The following ARFGEF3 variants were observed in gnomAD, a reference collection of about 807,000 sequenced individuals.
ARFGEF3 encodes the protein brefeldin A-inhibited guanine nucleotide-exchange protein 3.
ARFGEF3 carries 96 observed loss-of-function variants against 221.7 expected under a neutral mutation model. The ratio of observed to expected loss-of-function variants is 0.43; its 90% CI spans 0.37 to 0.51. The LOEUF (loss-of-function observed/expected upper bound fraction) is 0.51, where lower values mean the gene tolerates loss of function less well. Ranked by LOEUF, ARFGEF3 falls within the 20% of genes least tolerant of loss-of-function variation. The pLI is 0.00. For missense variants in ARFGEF3, 2,410 were observed against 2,789.9 expected (o/e 0.86, Z 3.07); for synonymous variants, 1,145 against 1,126.8 (o/e 1.02, Z -0.32).
chr6:138,301,434 C>T (rs1779627141), intron 22 of ARFGEF3, among the ~76,000 whole-genome samples: 1 of 152,192 alleles, frequency 6.6e-6, no homozygotes, highest in African/African-American at 2.4e-5. Flanking sequence ...CAATCATCAG[C>T]TTTTCTACCA....
chr6:138,263,290 C>T lies in ARFGEF3; in HGVS notation c.1807C>T (p.Leu603Phe), dbSNP rs1372354774. ...ESNFSVDDQDLSRTEFDSCDQ... is the reference protein window; with the variant it reads ...ESNFSVDDQDFSRTEFDSCDQ... ...CAATTTTAGCGTTGATGACCAAGAC[C>T]TTTCTAGGACAGAGTTTGATTCCTG... The change falls in exon 12 of 34, where the codon CTT becomes TTT. Residue 603 changes from leucine (L) to phenylalanine (F), a missense_variant. By Grantham distance (22) the Leu-to-Phe change is conservative. Transcript: ENST00000251691. The T allele has an allele frequency of 1.2e-6, 2 of 1,613,868 alleles. No individual in the cohort carries two copies. The highest frequency in any genetic ancestry group is 1.7e-5 in the Admixed American group (1 of 60,002).
At chr6:138,327,367 C>CGAGCCTGGGACGTT (rs1403521950) in intron 31 of ARFGEF3, among the ~76,000 whole-genome samples, 1 of 152,116 alleles carries the variant, frequency 6.6e-6, no homozygotes, top group Non-Finnish European at 1.5e-5. Flanking sequence ...GAGGATCACT[C>CGAGCCTGGGACGTT]GAGCCTGGGA....
At chr6:138,205,722 G>T (rs1407400891) in intron 2 of ARFGEF3, among the ~76,000 whole-genome samples, 1 of 152,210 alleles carries the variant, frequency 6.6e-6, no homozygotes, top group East Asian at 1.9e-4. Context: ...ATGAAAAATG[G>T]CTGTAGTGTT....
intron 2 of ARFGEF3, among the ~76,000 whole-genome samples, chr6:138,197,225 A>G (rs188673399): frequency 1.1e-3 from 166 of 152,308 alleles, no homozygotes; most frequent in East Asian, 5.0e-3. Flanking sequence ...AGGATCATCA[A>G]TGTCACTGTC....
chr6:138,275,477 A>G (rs1779080004), intron 12 of ARFGEF3, among the ~76,000 whole-genome samples: 2 of 152,014 alleles, frequency 1.3e-5, no homozygotes, highest in Non-Finnish European at 2.9e-5. Flanking sequence ...ATGGCCGGGC[A>G]TGGTGGCTCA....
intron 12 of ARFGEF3, among the ~76,000 whole-genome samples, chr6:138,264,848 C>T (rs2114594375): frequency 6.7e-6 from 1 of 148,184 alleles, no homozygotes; most frequent in East Asian, 2.0e-4. Flanking sequence ...TTCAAGAGGA[C>T]AAGAAAAAGA....
In ARFGEF3 at chr6:138,287,142, G is replaced by C; in HGVS notation, c.2854G>C (p.Glu952Gln). 3 of 1,573,732 alleles carry C rather than the reference G, an allele frequency of 1.9e-6. No homozygotes were observed. Among genetic ancestry groups the C allele is most frequent in the Non-Finnish European group, 1.7e-6 (2 of 1,159,146 alleles). The change falls in exon 17 of 34, where the codon GAA (glutamate) becomes CAA (glutamine). Residue 952 changes from glutamate (E) to glutamine (Q), a missense_variant. Around this residue, in one of 5 missense-constraint regions of ARFGEF3, gnomAD observed 594 missense variants for 734.3 expected, o/e 0.81. Transcript: ENST00000251691. Reference sequence around the variant, plus strand: ...TGCCTCCTGTGTCCAAGAAGAAAAAGAAGAGAGGGAGGCCCAAGAACCCAG... The same window carrying C: ...TGCCTCCTGTGTCCAAGAAGAAAAACAAGAGAGGGAGGCCCAAGAACCCAG... ...AAASCVQEEK[E>Q]EREAQEPSDA... is the part of the protein sequence containing the mutation.
intron 2 of ARFGEF3, among the ~76,000 whole-genome samples, chr6:138,183,821 G>A (rs1269743358): frequency 6.6e-6 from 1 of 152,184 alleles, no homozygotes; most frequent in Non-Finnish European, 1.5e-5. Context: ...AGGTAGGGAG[G>A]TGCCTCTGTT....
intron 21 of ARFGEF3, 112 bp downstream of exon 21, chr6:138,297,067 G>A (rs1224423234): frequency 4.1e-6 from 5 of 1,222,046 alleles, no homozygotes; most frequent in Admixed American, 2.5e-5. Flanking sequence ...CCATTGGGCA[G>A]TGGGAACTTG....
intron 32 of ARFGEF3, among the ~76,000 whole-genome samples, chr6:138,333,484 C>T (rs1366636049): frequency 6.6e-6 from 1 of 152,114 alleles, no homozygotes; most frequent in African/African-American, 2.4e-5. Context: ...CTCTGTTGCC[C>T]AGGCTGGAGT....
At chr6:138,331,428 T>TA (rs1334364472) in intron 32 of ARFGEF3, among the ~76,000 whole-genome samples, 2 of 152,216 alleles carry the variant, frequency 1.3e-5, no homozygotes, top group African/African-American at 4.8e-5. Context: ...GAAGATGAGT[T>TA]AGACCTGTGG....
At chr6:138,323,940 A>G (rs569036264) in intron 30 of ARFGEF3, 83 bp from the exon 31 acceptor site, 2 of 1,576,120 alleles carry the variant, frequency 1.3e-6, no homozygotes, top group African/African-American at 2.7e-5. Flanking sequence ...TTTGTCTCAG[A>G]CACAGTGACG....
chr6:138,287,089 G>A lies in ARFGEF3; in HGVS notation c.2801G>A (p.Cys934Tyr). The stretch of plus-strand genomic sequence containing the variant: ...TCCTCTGAAGGCGTTGCTGCTAACT[G>A]CGCCTCAGCCCTTGCCCAGATGGCA... ...LSCALGVAAN[C>Y]ASALAQMAAA... Residue 934 changes from cysteine (C) to tyrosine (Y), a missense_variant, in exon 17 of 34, where the codon TGC (cysteine) becomes TAC (tyrosine). Cys to Tyr is a radical substitution (Grantham distance 194). Transcript: ENST00000251691. 6.4e-7 allele frequency: 1 copy of A among 1,573,600 alleles called. No individual in the cohort carries two copies. Among genetic ancestry groups the A allele is most frequent in the Non-Finnish European group, 8.6e-7 (1 of 1,159,012 alleles).
intron 25 of ARFGEF3, among the ~76,000 whole-genome samples, chr6:138,312,370 T>A (rs537491936): frequency 7.7e-4 from 117 of 152,106 alleles, no homozygotes; most frequent in Non-Finnish European, 1.4e-3. Flanking sequence ...TACAACCTCT[T>A]CCTGGGTGAT....
chr6:138,292,666 G>A (rs1030082116), intron 19 of ARFGEF3, among the ~76,000 whole-genome samples: 1 of 151,898 alleles, frequency 6.6e-6, no homozygotes, highest in African/African-American at 2.4e-5. Flanking sequence ...CCCCCGGCAC[G>A]GGCACAGGGA....
intron 8 of ARFGEF3, among the ~76,000 whole-genome samples, chr6:138,250,634 G>A (rs570060773): frequency 1.3e-5 from 2 of 152,332 alleles, no homozygotes; most frequent in East Asian, 1.9e-4. Flanking sequence ...GATACAAAAC[G>A]TGCTAGGCTG....
chr6:138,304,381 G>A lies in ARFGEF3; in HGVS notation c.3829-2872G>A, dbSNP rs367762498. On this transcript the variant is annotated intron_variant, in intron 22 of 33. Transcript: ENST00000251691. ...GGCAATGACTACAAATGGGTACTGC[G>A]TTTTTTGAGGGGGTAAGTAAAATTA... 2.2e-4 allele frequency among the ~76,000 whole-genome samples: 34 copies of A among 152,206 alleles called. No homozygotes were observed. In the East Asian group the frequency reaches 2.7e-3, roughly 12 times the overall value.
intron 8 of ARFGEF3, among the ~76,000 whole-genome samples, chr6:138,247,676 T>G (rs1481739186): frequency 6.6e-6 from 1 of 152,238 alleles, no homozygotes; most frequent in East Asian, 1.9e-4. Flanking sequence ...CATGTGACTT[T>G]GGACAAAGAT....
intron 4 of ARFGEF3, chr6:138,218,365 C>T (rs1180115283): frequency 6.5e-7 from 1 of 1,545,142 alleles, no homozygotes; most frequent in Non-Finnish European, 8.7e-7. Flanking sequence ...TGCATATCCT[C>T]ATATTTCTGG....
Sources: allele counts gnomAD v4.1 joint callset (sites outside exome capture counted in the v4.1 genomes callset), GRCh38; gene constraint gnomAD v4.1.1; regional missense constraint gnomAD v4.1.1; transcripts MANE v1.5; gene names NCBI Gene and HGNC (gene_info 2026-07-23, HGNC 2026-07-21).